Variants in MED15 observed in about 807,000 individuals in gnomAD.
The protein encoded by MED15 is mediator complex subunit 15.
MED15 carries 41 observed loss-of-function variants against 118.7 expected under a neutral mutation model. The observed-to-expected ratio is 0.35, with a 90% CI of 0.27 to 0.45. The LOEUF (loss-of-function observed/expected upper bound fraction) is 0.45. Among genes scored for constraint, MED15 ranks in the 20% least tolerant of loss-of-function variants. The pLI is 1.00. For missense variants in MED15, 740 were observed against 1,025.5 expected (o/e 0.72, Z 3.80); for synonymous variants, 436 against 413.9 (o/e 1.05, Z -0.65).
At chr22:20,564,301 TTC>T in intron 5 of MED15, 147 bp from the exon 6 acceptor site, 1 of 1,383,012 alleles carries the variant, frequency 7.2e-7, no homozygotes, top group Admixed American at 2.2e-5. Flanking sequence ...TATTCTATCT[TTC>T]TGTCTGTGGT....
At chr22:20,567,678 T>G (rs911260127) in intron 7 of MED15, among the ~76,000 whole-genome samples, 7 of 152,076 alleles carry the variant, frequency 4.6e-5, no homozygotes, top group African/African-American at 1.7e-4. Context: ...CCCTAGTGGC[T>G]TGGAGATGTC....
intron 5 of MED15, among the ~76,000 whole-genome samples, chr22:20,563,608 G>A (rs1403469189): frequency 6.6e-6 from 1 of 152,198 alleles, no homozygotes; most frequent in Non-Finnish European, 1.5e-5. Flanking sequence ...ACCCACCCAG[G>A]TGGTTAAATT....
intron 5 of MED15, among the ~76,000 whole-genome samples, chr22:20,561,243 G>A (rs1057106765): frequency 3.3e-5 from 5 of 152,038 alleles, no homozygotes; most frequent in Non-Finnish European, 5.9e-5. Context: ...GACAAAGGCC[G>A]GGCGCGGTGG....
At position 20,587,367 on chromosome 22, in the gene MED15, G is replaced by A. The variant is rs2057164895; in HGVS notation, c.*663G>A. ...ATCCTGCTGCCGGCACCCCTGTGCCGCTGGCATGAGGGCCGTGTCCCCACT... is the reference window on the plus strand; with the variant it reads ...ATCCTGCTGCCGGCACCCCTGTGCCACTGGCATGAGGGCCGTGTCCCCACT... On this transcript the variant is annotated 3_prime_UTR_variant, in exon 18 of 18. Coordinates refer to ENST00000263205, the MANE Select transcript of MED15 (RefSeq NM_001003891.3). 6.3e-6 allele frequency: 1 copy of A among 158,820 alleles called. No homozygotes were observed. Among genetic ancestry groups the A allele is most frequent in the Non-Finnish European group, 1.4e-5 (1 of 71,810 alleles). 9.8% of individuals were successfully genotyped at this position (158,820 alleles called of 1,614,324 possible).
chr22:20,510,124 C>T (rs2054011530), intron 1 of MED15, among the ~76,000 whole-genome samples: 1 of 152,150 alleles, frequency 6.6e-6, no homozygotes, highest in Non-Finnish European at 1.5e-5. Context: ...TGGTGGCTCA[C>T]GCCTGTAATC....
chr22:20,566,914 T>TC, intron 7 of MED15, 97 bp downstream of exon 7: 1 of 1,546,078 alleles, frequency 6.5e-7, no homozygotes, highest in Non-Finnish European at 8.7e-7. Flanking sequence ...ATCCTATTCT[T>TC]CAAGTGCTGA....
intron 5 of MED15, among the ~76,000 whole-genome samples, chr22:20,559,061 C>T (rs2056128692): frequency 6.6e-6 from 1 of 152,042 alleles, no homozygotes; most frequent in African/African-American, 2.4e-5. Context: ...GAGGCTAAGG[C>T]AGGGGGATTG....
chr22:20,578,113 TG>T (rs1274852416), intron 9 of MED15, among the ~76,000 whole-genome samples: 1 of 152,040 alleles, frequency 6.6e-6, no homozygotes, highest in Non-Finnish European at 1.5e-5. Flanking sequence ...TTAGTAGAGA[TG>T]GGGTTTCACC....
intron 5 of MED15, among the ~76,000 whole-genome samples, chr22:20,560,275 A>G (rs1031756096): frequency 5.9e-5 from 9 of 151,810 alleles, no homozygotes; most frequent in Non-Finnish European, 2.9e-5. Context: ...TATTATTATT[A>G]TTATTATTAA....
chr22:20,587,527 AC>A lies in MED15; in HGVS notation c.*825del. ...CCCTATGTTGCCTGCCACTCTGGGC[AC>A]CGGCCAGCACCCTCTGGTGAGAAGA... On this transcript the variant is annotated 3_prime_UTR_variant, in exon 18 of 18. Coordinates refer to ENST00000263205, the MANE Select transcript of MED15 (RefSeq NM_001003891.3). 3.5e-6 allele frequency: 1 copy of A among 286,938 alleles called. No individual in the cohort carries two copies. 17.8% of individuals were successfully genotyped at this position (286,938 alleles called of 1,614,324 possible). A position where few individuals can be genotyped will look rare whatever the true frequency, so the allele number is the denominator to read the frequency against.
intron 1 of MED15, among the ~76,000 whole-genome samples, chr22:20,533,381 T>C (rs922096494): frequency 6.6e-5 from 10 of 152,238 alleles, no homozygotes; most frequent in Non-Finnish European, 2.9e-5. Context: ...GTCTCTATTT[T>C]GTGACACTTG....
rs761623249 is a variant in MED15 at position 20,582,660 on chromosome 22, A to G, written c.1322A>G (p.Gln441Arg). 1.3e-6 allele frequency: 2 copies of G among 1,593,012 alleles called. No individual in the cohort carries two copies. Among genetic ancestry groups the G allele is most frequent in the Non-Finnish European group, 8.5e-7 (1 of 1,176,126 alleles). The change falls in exon 10 of 18, where the codon CAG (glutamine) becomes CGG (arginine). Residue 441 changes from glutamine (Q) to arginine (R), a missense_variant. By Grantham distance (43) the Gln-to-Arg change is conservative. Around this residue, in one of 7 missense-constraint regions of MED15, gnomAD observed 384 missense variants for 506.3 expected, o/e 0.76. Coordinates refer to ENST00000263205, the MANE Select transcript of MED15 (RefSeq NM_001003891.3). The part of the protein sequence containing the change: ...PMLSSPSPGQ[Q>R]VQTPQSMPPP... ...CTGTCCTCGCCGTCACCGGGCCAGCAGGTGCAGACCCCGCAGTCGATGCCC... is the reference window on the plus strand; with the variant it reads ...CTGTCCTCGCCGTCACCGGGCCAGCGGGTGCAGACCCCGCAGTCGATGCCC...
rs375891969 is a variant in MED15 at position 20,554,926 on chromosome 22, G to A, written c.239-10G>A. ...CTTTCCTGAGAAGCTCTGCCCTTGT[G>A]TTCCCACAGATCCTATGAATGCACT... On this transcript the variant is annotated splice_polypyrimidine_tract_variant and intron_variant, in intron 4 of 17. Coordinates refer to ENST00000263205, the MANE Select transcript of MED15 (RefSeq NM_001003891.3). 8 of 1,593,804 alleles carry A rather than the reference G, an allele frequency of 5.0e-6. No individual in the cohort carries two copies. Among genetic ancestry groups the A allele is most frequent in the Non-Finnish European group, 6.8e-6 (8 of 1,173,566 alleles).
At chr22:20,543,149 G>GTGTGTGTA (rs1303365029) in intron 2 of MED15, among the ~76,000 whole-genome samples, 2 of 75,772 alleles carry the variant, frequency 2.6e-5, no homozygotes. Context: ...GTGTGTGTGT[G>GTGTGTGTA]TGTATTTTTA....
chr22:20,570,914 G>A (rs985423874), intron 8 of MED15, among the ~76,000 whole-genome samples: 3 of 151,320 alleles, frequency 2.0e-5, no homozygotes, highest in East Asian at 1.9e-4. Flanking sequence ...ACAGGCATGC[G>A]CCACTATATC....
In MED15 at chr22:20,582,819, GTT is replaced by G. The variant is rs1432065793; in HGVS notation, c.1410-19_1410-18del. The stretch of plus-strand genomic sequence containing the variant: ...GCCCTGCCTGGACCCCGGCTCACAT[GTT>G]TCTCTCACTTGGCTGCAGCTCTGGC... On this transcript the variant is annotated intron_variant, in intron 10 of 17. Coordinates refer to ENST00000263205, the MANE Select transcript of MED15 (RefSeq NM_001003891.3). 6.2e-7 allele frequency: 1 copy of G among 1,608,168 alleles called. No homozygotes were observed. Among genetic ancestry groups the G allele is most frequent in the African/African-American group, 1.3e-5 (1 of 74,858 alleles).
chr22:20,550,429 G>A (rs1052456968), intron 2 of MED15, among the ~76,000 whole-genome samples: 2 of 152,252 alleles, frequency 1.3e-5, no homozygotes, highest in Admixed American at 1.3e-4. Context: ...GGAGATAGAT[G>A]TGGGATGATA....
Position 20,566,785 on chromosome 22 carries a change from C to G in MED15, c.1009C>G (p.Gln337Glu). 6.2e-7 allele frequency: 1 copy of G among 1,614,216 alleles called. No individual in the cohort carries two copies. Among genetic ancestry groups the G allele is most frequent in the Non-Finnish European group, 8.5e-7 (1 of 1,180,028 alleles). ...GTCACAGGCGCAAGCTCTCCCTGGA[C>G]AAATGTTGTATACCCAACCACCACT... ...LVSQAQALPG[Q>E]MLYTQPPLKF... Residue 337 changes from glutamine (Q) to glutamate (E), a missense_variant, in exon 7 of 18, where the codon CAA (glutamine) becomes GAA (glutamate). By Grantham distance (29) the Gln-to-Glu change is conservative (BLOSUM62 2). Around this residue, in one of 7 missense-constraint regions of MED15, gnomAD observed 384 missense variants for 506.3 expected, o/e 0.76. Coordinates refer to ENST00000263205, the MANE Select transcript of MED15 (RefSeq NM_001003891.3).
intron 1 of MED15, among the ~76,000 whole-genome samples, chr22:20,534,224 C>T (rs1265847123): frequency 6.6e-6 from 1 of 152,038 alleles, no homozygotes; most frequent in Non-Finnish European, 1.5e-5. Context: ...AAATGCTCCC[C>T]TGCTGTTTCT....
Sources: gnomAD v4.1 joint callset for allele counts (sites outside exome capture counted in the v4.1 genomes callset) on GRCh38, gnomAD v4.1.1 for gene constraint, gnomAD v4.1.1 regional missense constraint, MANE v1.5 for transcripts, NCBI Gene and HGNC (gene_info 2026-07-23, HGNC 2026-07-21) for gene names.